SLC35D2: variants seen among roughly 807,000 people sequenced by gnomAD.
The protein encoded by SLC35D2 is solute carrier family 35 member D2, also known as nucleotide sugar transporter SLC35D2.
SLC35D2 carries 43 observed loss-of-function variants against 41.8 expected under a neutral mutation model. The observed-to-expected ratio is 1.03, with a 90% CI of 0.81 to 1.33. The LOEUF is 1.33. Among genes scored for constraint, SLC35D2 ranks in the 40% most tolerant of loss-of-function variants. SLC35D2 has a pLI of 0.00. For missense variants in SLC35D2, 380 were observed against 408.4 expected (o/e 0.93, Z 0.60); for synonymous variants, 150 against 163.9 (o/e 0.92, Z 0.65).
intron 1 of SLC35D2, among the ~76,000 whole-genome samples, chr9:96,371,094 G>A (rs76029234): frequency 0.022 from 3,383 of 152,238 alleles, 132 homozygotes; most frequent in African/African-American, 0.079. Context: ...TAGTAGGCCT[G>A]GAATTTAGAA....
intron 6 of SLC35D2, among the ~76,000 whole-genome samples, chr9:96,346,298 A>T (rs752002374): frequency 2.3e-4 from 35 of 152,248 alleles, no homozygotes; most frequent in Non-Finnish European, 4.1e-4. Flanking sequence ...TACGTTTTAA[A>T]AAGGAAAGAG....
At chr9:96,339,028 A>G (rs560259759) in intron 8 of SLC35D2, among the ~76,000 whole-genome samples, 14 of 152,246 alleles carry the variant, frequency 9.2e-5, no homozygotes, top group Admixed American at 4.6e-4. Context: ...TAAAAACTCT[A>G]TATGTGTTCC....
At chr9:96,374,839 G>A (rs1158906263) in intron 1 of SLC35D2, among the ~76,000 whole-genome samples, 2 of 137,162 alleles carry the variant, frequency 1.5e-5, no homozygotes, top group South Asian at 2.2e-4. Flanking sequence ...GCGACACTCC[G>A]CCTCAAAAAA....
downstream of SLC35D2, among the ~76,000 whole-genome samples, chr9:96,317,402 C>G (rs1828079028): frequency 4.6e-5 from 7 of 152,018 alleles, no homozygotes; most frequent in South Asian, 1.2e-3. Flanking sequence ...TCCAGCACCC[C>G]CAACTAACCT....
chr9:96,353,138 GA>G (rs1219010721), intron 4 of SLC35D2, among the ~76,000 whole-genome samples: 4 of 151,916 alleles, frequency 2.6e-5, no homozygotes, highest in Non-Finnish European at 5.9e-5. Flanking sequence ...GTGTCTGTGG[GA>G]AAAACATCAG....
At chr9:96,335,017 G>T in intron 9 of SLC35D2, among the ~76,000 whole-genome samples, 2 of 152,362 alleles carry the variant, frequency 1.3e-5, no homozygotes, top group South Asian at 4.1e-4. Flanking sequence ...TGTTTTTACT[G>T]CATGTGAGTA....
intron 1 of SLC35D2, among the ~76,000 whole-genome samples, chr9:96,380,046 G>A (rs1244226349): frequency 6.6e-6 from 1 of 152,016 alleles, no homozygotes; most frequent in Non-Finnish European, 1.5e-5. Context: ...GCAGGCACCT[G>A]CCACCACACC....
Position 96,382,496 on chromosome 9 carries a change from C to CACTCTATATATATATATATA in SLC35D2, c.158+980_158+981insTATATATATATATATAGAGT, listed in dbSNP as rs200897475. ...ACACACACACACACACACACACACA[C>CACTCTATATATATATATATA]TATATATATATATATATATATGCCT... On this transcript the variant is annotated intron_variant, in intron 1 of 11. Transcript: ENST00000253270. 4.6e-3 allele frequency among the ~76,000 whole-genome samples: 593 copies of CACTCTATATATATATATATA among 127,894 alleles called. 1 individual carries two copies. The highest frequency in any genetic ancestry group is 0.017 in the African/African-American group (568 of 34,154). The allele number at this position is 127,894 out of a possible 152,430, so 83.9% of individuals were successfully genotyped here.
chr9:96,317,409 A>G (rs59074958), downstream of SLC35D2, among the ~76,000 whole-genome samples: 81,044 of 151,716 alleles, frequency 0.53, 21,847 homozygotes, highest in African/African-American at 0.6. Context: ...CCCCCAACTA[A>G]CCTTAGTTCA....
intron 6 of SLC35D2, among the ~76,000 whole-genome samples, chr9:96,350,021 G>A (rs1486020474): frequency 1.3e-5 from 2 of 152,168 alleles, no homozygotes; most frequent in East Asian, 3.8e-4. Context: ...TACCTGCGGT[G>A]TGAATTGGAG....
At chr9:96,359,510 T>C (rs1830176154) in intron 4 of SLC35D2, among the ~76,000 whole-genome samples, 1 of 151,418 alleles carries the variant, frequency 6.6e-6, no homozygotes, top group Admixed American at 6.6e-5. Flanking sequence ...GCCAACATGG[T>C]GAAACCCTGT....
At chr9:96,332,733 C>T (rs1011181128) in intron 9 of SLC35D2, among the ~76,000 whole-genome samples, 52 of 150,350 alleles carry the variant, frequency 3.5e-4, no homozygotes, top group African/African-American at 2.2e-4. Flanking sequence ...GAGCCGAGAT[C>T]GCGCCACTGC....
downstream of SLC35D2, among the ~76,000 whole-genome samples, chr9:96,317,896 A>G (rs7041030): frequency 0.53 from 78,716 of 147,912 alleles, 21,381 homozygotes; most frequent in African/African-American, 0.6. Context: ...AGCCAGGCGT[A>G]GTGGCGTACG....
chr9:96,343,285 G>A (rs1351728647), intron 8 of SLC35D2, among the ~76,000 whole-genome samples: 3 of 152,168 alleles, frequency 2.0e-5, no homozygotes, highest in Admixed American at 6.5e-5. Context: ...CAGCAGATAC[G>A]GTTTCAGGGC....
chr9:96,335,313 G>A (rs1452959427), intron 9 of SLC35D2, among the ~76,000 whole-genome samples: 1 of 152,190 alleles, frequency 6.6e-6, no homozygotes, highest in Non-Finnish European at 1.5e-5. Flanking sequence ...ACTACAGTGT[G>A]GAGGCGAGGA....
chr9:96,336,639 T>G (rs143564311), intron 9 of SLC35D2, 78 bp downstream of exon 9: 1 of 860,064 alleles, frequency 1.2e-6, no homozygotes, highest in African/African-American at 1.7e-5. Context: ...TCTGACAGAA[T>G]AGACAGAAGG....
At chr9:96,370,797 A>G (rs559345612) in intron 1 of SLC35D2, among the ~76,000 whole-genome samples, 10 of 152,338 alleles carry the variant, frequency 6.6e-5, no homozygotes, top group African/African-American at 2.2e-4. Flanking sequence ...TTCAGGCCAT[A>G]GAACACCTCA....
At chr9:96,331,043 G>A (rs575123291) in intron 9 of SLC35D2, among the ~76,000 whole-genome samples, 2 of 152,274 alleles carry the variant, frequency 1.3e-5, no homozygotes, top group East Asian at 1.9e-4. Flanking sequence ...GATTACAGGG[G>A]CACACTACCA....
intron 8 of SLC35D2, among the ~76,000 whole-genome samples, chr9:96,338,005 A>AAAAAG (rs373089900): frequency 7.6e-5 from 8 of 104,796 alleles, no homozygotes; most frequent in South Asian, 2.8e-4. Flanking sequence ...AAAAAAAAAA[A>AAAAAG]CTCAATTTCT....
Sources: allele counts gnomAD v4.1 joint callset (sites outside exome capture counted in the v4.1 genomes callset), GRCh38; gene constraint gnomAD v4.1.1; transcripts MANE v1.5; gene names NCBI Gene and HGNC (gene_info 2026-07-23, HGNC 2026-07-21).